OSBPL10: variants seen among roughly 807,000 people sequenced by gnomAD.
OSBPL10 encodes oxysterol binding protein like 10.
Under a neutral mutation model 81.7 loss-of-function variants are expected in OSBPL10, and 49 were observed. The observed-to-expected ratio is 0.60, with a 90% CI of 0.48 to 0.76. The LOEUF is 0.76. Among genes scored for constraint, OSBPL10 ranks in the 30% least tolerant of loss-of-function variants. The pLI is 0.00. For synonymous variants in OSBPL10, 419 were observed against 383.6 expected, an observed-to-expected ratio of 1.09 and a Z score of -1.08; for missense variants, 923 against 987.8, an observed-to-expected ratio of 0.93 and a Z score of 0.88.
chr3:31,770,553 G>A (rs751565894), intron 4 of OSBPL10, among the ~76,000 whole-genome samples: 6 of 152,138 alleles, frequency 3.9e-5, no homozygotes, highest in East Asian at 1.9e-4. Flanking sequence ...TTGGGAGGCC[G>A]AGGTGGGTGG....
chr3:31,791,445 C>T (rs946965927), intron 4 of OSBPL10, among the ~76,000 whole-genome samples: 1 of 152,140 alleles, frequency 6.6e-6, no homozygotes, highest in African/African-American at 2.4e-5. Flanking sequence ...GTGCATTTCC[C>T]CTGAGGTTCT....
intron 4 of OSBPL10, among the ~76,000 whole-genome samples, chr3:31,782,258 T>G (rs1433883620): frequency 2.6e-5 from 4 of 152,194 alleles, no homozygotes; most frequent in African/African-American, 4.8e-5. Context: ...AGCTGGATCC[T>G]CATCTTTCAC....
chr3:31,733,661 G>C (rs374832988), intron 5 of OSBPL10, among the ~76,000 whole-genome samples: 3 of 141,456 alleles, frequency 2.1e-5, no homozygotes, highest in African/African-American at 7.8e-5. Flanking sequence ...AAACAATTGC[G>C]ATTTACCAAA....
intron 3 of OSBPL10, among the ~76,000 whole-genome samples, chr3:31,868,727 A>G (rs1701244679): frequency 6.6e-6 from 1 of 152,212 alleles, no homozygotes; most frequent in East Asian, 1.9e-4. Flanking sequence ...ATTAAAGCCA[A>G]TGAAACTAAA....
At chr3:31,866,134 T>C (rs1251247988) in intron 3 of OSBPL10, among the ~76,000 whole-genome samples, 1 of 152,120 alleles carries the variant, frequency 6.6e-6, no homozygotes, top group South Asian at 2.1e-4. Context: ...GAAACCTAGA[T>C]TGGCGGGAGG....
At chr3:31,724,067 C>T (rs1159711335) in intron 6 of OSBPL10, among the ~76,000 whole-genome samples, 3 of 152,134 alleles carry the variant, frequency 2.0e-5, no homozygotes, top group East Asian at 1.9e-4. Flanking sequence ...CATACCACAT[C>T]GCTACAATCT....
At chr3:31,762,356 C>T (rs1282166002) in intron 4 of OSBPL10, among the ~76,000 whole-genome samples, 2 of 152,194 alleles carry the variant, frequency 1.3e-5, no homozygotes, top group Non-Finnish European at 2.9e-5. Flanking sequence ...AGGGCCATTT[C>T]ACAAGATGTG....
rs562357205 is a variant in OSBPL10 at position 31,837,171 on chromosome 3, T to C, written c.538-6940A>G. On this transcript the variant is annotated intron_variant, in intron 3 of 11. Coordinates refer to ENST00000396556, the MANE Select transcript of OSBPL10 (RefSeq NM_017784.5). ...ACAGGGCACACTTTAAAATAGTTGA[T>C]AGAAAGGAGGAAAGCTGATAACTGT... is the stretch of plus-strand genomic sequence containing the variant. Among the ~76,000 whole-genome samples the C allele has an allele frequency of 6.9e-4, 105 of 152,076 alleles. 1 individual carries two copies. Among genetic ancestry groups the C allele is most frequent in the Non-Finnish European group, 1.1e-3 (77 of 67,970 alleles).
intron 1 of OSBPL10, among the ~76,000 whole-genome samples, chr3:31,895,134 C>CTGTTTTTTTT: frequency 8.0e-6 from 1 of 124,894 alleles, no homozygotes; most frequent in Non-Finnish European, 1.6e-5. Flanking sequence ...TCTCTGCGGC[C>CTGTTTTTTTT]TTTTTTTTTT....
intron 1 of OSBPL10, among the ~76,000 whole-genome samples, chr3:31,954,620 G>A (rs1478494360): frequency 6.6e-6 from 1 of 152,122 alleles, no homozygotes; most frequent in African/African-American, 2.4e-5. Context: ...GCCTGGAGTG[G>A]GGAGGAGCAA....
chr3:31,810,729 T>C lies in OSBPL10; in HGVS notation c.729+19311A>G, dbSNP rs549240457. ...TTAAGAGAAATTTAAATTAAAATTA[T>C]GAGATACAAGTTTTCCCCTAGCCAA... On this transcript the variant is annotated intron_variant, in intron 4 of 11. Coordinates refer to ENST00000396556, the MANE Select transcript of OSBPL10 (RefSeq NM_017784.5). 1.1e-3 allele frequency among the ~76,000 whole-genome samples: 166 copies of C among 152,336 alleles called. 1 individual carries two copies. The highest frequency in any genetic ancestry group is 1.9e-3 in the Non-Finnish European group (128 of 68,034).
At chr3:31,665,900 G>A (rs140659661) in intron 10 of OSBPL10, among the ~76,000 whole-genome samples, 185 of 152,218 alleles carry the variant, frequency 1.2e-3, no homozygotes, top group Non-Finnish European at 2.3e-3. Context: ...AAGAGTAGAG[G>A]GCAGAGCGCC....
chr3:31,692,227 G>A (rs369383974), intron 7 of OSBPL10, among the ~76,000 whole-genome samples: 6 of 152,130 alleles, frequency 3.9e-5, no homozygotes, highest in African/African-American at 1.2e-4. Flanking sequence ...CCATGTGTAC[G>A]TGGCAAATTC....
At chr3:31,920,306 T>C (rs1302582768) in intron 1 of OSBPL10, among the ~76,000 whole-genome samples, 1 of 152,182 alleles carries the variant, frequency 6.6e-6, no homozygotes, top group Non-Finnish European at 1.5e-5. Flanking sequence ...TATGCAAATT[T>C]GAAAAGAAGA....
chr3:31,735,577 C>T (rs934516501), intron 5 of OSBPL10, among the ~76,000 whole-genome samples: 1 of 152,210 alleles, frequency 6.6e-6, no homozygotes, highest in Non-Finnish European at 1.5e-5. Flanking sequence ...GCTCAAGTCA[C>T]ATCAGTATTT....
intron 1 of OSBPL10, among the ~76,000 whole-genome samples, chr3:31,939,969 C>T (rs1356296062): frequency 1.3e-5 from 2 of 152,186 alleles, no homozygotes; most frequent in Non-Finnish European, 2.9e-5. Flanking sequence ...AATCCTCCTA[C>T]CTCGGCCTCC....
chr3:31,706,986 C>T (rs1267422676), intron 6 of OSBPL10, among the ~76,000 whole-genome samples: 1 of 143,554 alleles, frequency 7.0e-6, no homozygotes, highest in African/African-American at 2.5e-5. Context: ...ACTGCCTTCT[C>T]TCTTAACCTA....
intron 4 of OSBPL10, among the ~76,000 whole-genome samples, chr3:31,780,268 G>C (rs1698657540): frequency 6.6e-6 from 1 of 152,138 alleles, no homozygotes; most frequent in Admixed American, 6.6e-5. Context: ...ACTCTAGCCT[G>C]GGTGACAGAG....
At chr3:32,029,507 T>A (rs1699446935) in intron 2 of OSBPL10, among the ~76,000 whole-genome samples, 1 of 152,138 alleles carries the variant, frequency 6.6e-6, no homozygotes, top group African/African-American at 2.4e-5. Flanking sequence ...AGGCAAGAAT[T>A]GAGGTTGCTG....
Sources: gnomAD v4.1 joint callset for allele counts (sites outside exome capture counted in the v4.1 genomes callset) on GRCh38, gnomAD v4.1.1 for gene constraint, MANE v1.5 for transcripts, NCBI Gene and HGNC (gene_info 2026-07-23, HGNC 2026-07-21) for gene names.